The following NFX1 variants were observed in gnomAD, a reference collection of about 807,000 sequenced individuals.
The protein encoded by NFX1 is nuclear transcription factor, X-box binding 1.
NFX1 carries 69 observed loss-of-function variants against 137.2 expected under a neutral mutation model. The ratio of observed to expected loss-of-function variants is 0.50; its 90% confidence interval spans 0.41 to 0.61. The LOEUF is 0.61. Among genes scored for constraint, NFX1 ranks in the 20% least tolerant of loss-of-function variants. NFX1 has a pLI of 0.00. For synonymous variants in NFX1, 495 were observed against 474.1 expected, an observed-to-expected ratio of 1.04 and a Z score of -0.57; for missense variants, 1,167 against 1,391.0, an observed-to-expected ratio of 0.84 and a Z score of 2.56.
intron 21 of NFX1, 154 bp downstream of exon 21, chr9:33,364,928 A>G (rs1824127082): frequency 1.4e-6 from 2 of 1,454,464 alleles, no homozygotes; most frequent in Non-Finnish European, 1.8e-6. Context: ...AAACACAGCC[A>G]TTATAACATC....
At chr9:33,318,697 A>G in intron 7 of NFX1, 34 bp from the exon 8 acceptor site, 1 of 1,566,932 alleles carries the variant, frequency 6.4e-7, no homozygotes, top group Non-Finnish European at 8.8e-7. Context: ...CATACATGTT[A>G]CTAACGTTTT....
chr9:33,362,435 A>T lies in NFX1; in HGVS notation c.2874-1575A>T, dbSNP rs956878590. Among the ~76,000 whole-genome samples, 3 of 152,118 alleles carry T rather than the reference A, an allele frequency of 2.0e-5. No individual in the cohort carries two copies. The East Asian group carries it at 5.8e-4, about 29-fold the overall frequency. ...CAGAATGAAATACTATTCGGCCATA[A>T]AAAAAATGAAACCCTGTCATTTGCA... On this transcript the variant is annotated intron_variant, in intron 19 of 23. Transcript: ENST00000379540.
chr9:33,314,968 G>GA (rs1480360721), intron 7 of NFX1, among the ~76,000 whole-genome samples: 1 of 152,356 alleles, frequency 6.6e-6, no homozygotes, highest in East Asian at 1.9e-4. Flanking sequence ...TACATGAATA[G>GA]AAAAAAATTT....
rs773934509 is a variant in NFX1, at chr9:33,290,519, C to G, written c.-54C>G. 5.1e-5 allele frequency: 82 copies of G among 1,606,180 alleles called. No homozygotes were observed. The highest frequency in any genetic ancestry group is 6.7e-5 in the Non-Finnish European group (79 of 1,173,140). ...GCGCCGGAAGTCCGGGGCACGTGAC[C>G]TGGTGACAGTGCTGACTTGGCTGTA... On this transcript the variant is annotated 5_prime_UTR_variant, in exon 1 of 24. Transcript: ENST00000379540.
intron 11 of NFX1, among the ~76,000 whole-genome samples, chr9:33,337,812 G>A (rs1273626530): frequency 6.6e-6 from 1 of 152,178 alleles, no homozygotes; most frequent in African/African-American, 2.4e-5. Context: ...ACTTTGGGAG[G>A]TCAAAGCAGG....
intron 18 of NFX1, among the ~76,000 whole-genome samples, 191 bp from the exon 19 acceptor site, chr9:33,354,660 G>A (rs149290040): frequency 5.9e-5 from 9 of 152,296 alleles, no homozygotes; most frequent in African/African-American, 2.2e-4. Context: ...TGGGGAAATG[G>A]TATTTCTAGG....
intron 9 of NFX1, among the ~76,000 whole-genome samples, chr9:33,326,864 G>A (rs944024080): frequency 6.6e-6 from 1 of 152,040 alleles, no homozygotes; most frequent in African/African-American, 2.4e-5. Context: ...TGCACAAAAG[G>A]GGAGAAGAAT....
chr9:33,364,127 GC>G lies in NFX1; in HGVS notation c.2972+20del. The G allele has an allele frequency of 6.4e-7, 1 of 1,559,604 alleles. No individual in the cohort carries two copies. The highest frequency in any genetic ancestry group is 8.7e-7 in the Non-Finnish European group (1 of 1,143,582). ...ATGCCAGGTATGTAACTTGTTACCT[GC>G]TTTCTTAATTGTGGCTTGTCAGGGT... On this transcript the variant is annotated intron_variant, in intron 20 of 23. Coordinates refer to ENST00000379540, the MANE Select transcript of NFX1 (RefSeq NM_002504.6).
intron 16 of NFX1, chr9:33,352,344 T>C (rs1823666361): frequency 7.9e-6 from 4 of 504,554 alleles, no homozygotes; most frequent in Non-Finnish European, 1.5e-5. Flanking sequence ...TAGGCCACAG[T>C]TGGGCCTAGG....
At chr9:33,349,069 C>CTATAAATATGGTATTTATT (rs1823539983) in intron 15 of NFX1, among the ~76,000 whole-genome samples, 1 of 152,194 alleles carries the variant, frequency 6.6e-6, no homozygotes, top group Non-Finnish European at 1.5e-5. Context: ...ATATGTCTCA[C>CTATAAATATGGTATTTATT]CTTTTCCAGT....
intron 11 of NFX1, among the ~76,000 whole-genome samples, chr9:33,336,025 A>G (rs1325209674): frequency 6.6e-6 from 1 of 151,910 alleles, no homozygotes; most frequent in Non-Finnish European, 1.5e-5. Flanking sequence ...TCCAATACCT[A>G]TTTTCATTTC....
chr9:33,364,684 T>C (rs367957234), intron 20 of NFX1, 24 bp from the exon 21 acceptor site: 33 of 1,608,326 alleles, frequency 2.1e-5, no homozygotes, highest in Non-Finnish European at 2.6e-5. Context: ...ACAGACAAAA[T>C]TAACTGGTGA....
intron 23 of NFX1, among the ~76,000 whole-genome samples, chr9:33,368,908 G>T (rs1333822623): frequency 6.6e-6 from 1 of 152,150 alleles, no homozygotes; most frequent in Non-Finnish European, 1.5e-5. Flanking sequence ...CTGGGAGCCA[G>T]GTGTCCTAGG....
Position 33,351,758 on chromosome 9 carries a change from T to C in NFX1, c.2623T>C (p.Ser875Pro), listed in dbSNP as rs1249722770. The change falls in exon 16 of 24, where the codon TCA (serine) becomes CCA (proline). Residue 875 changes from serine to proline, a missense_variant. Ser to Pro is a moderately conservative substitution (Grantham distance 74). Transcript: ENST00000379540. ...HPCMAPCHTS[S>P]PCPVTACKAK... Reference sequence around the variant, plus strand: ...GTGTATGGCACCCTGCCATACCAGCTCACCCTGCCCTGTGACTGCTTGTAA... The same window carrying C: ...GTGTATGGCACCCTGCCATACCAGCCCACCCTGCCCTGTGACTGCTTGTAA... The C allele has an allele frequency of 6.2e-7, 1 of 1,604,552 alleles. No homozygotes were observed.
At chr9:33,335,720 C>A (rs1331076229) in intron 11 of NFX1, among the ~76,000 whole-genome samples, 1 of 152,102 alleles carries the variant, frequency 6.6e-6, no homozygotes, top group Non-Finnish European at 1.5e-5. Flanking sequence ...TCAGTCCTCC[C>A]CCAGGTAACC....
In NFX1 at chr9:33,313,427, T is replaced by TA. The variant is rs1037983606; in HGVS notation, c.1449-216dup. 7.6e-3 allele frequency among the ~76,000 whole-genome samples: 1,072 copies of TA among 141,216 alleles called. 10 individuals carry two copies. The highest frequency in any genetic ancestry group is 0.028 in the East Asian group (136 of 4,936). 92.6% of individuals were successfully genotyped at this position (141,216 alleles called of 152,430 possible). A position where few individuals can be genotyped will look rare whatever the true frequency, so the allele number is the denominator to read the frequency against. Reference sequence around the variant, plus strand: ...AATATAGTGAGACCCTGTCTCTATTTAAAAAAAAAAACAAAAACAAAAACA... The same window carrying TA: ...AATATAGTGAGACCCTGTCTCTATTTAAAAAAAAAAAACAAAAACAAAAACA... On this transcript the variant is annotated intron_variant, in intron 6 of 23. Transcript: ENST00000379540.
In NFX1 at chr9:33,307,206, A is replaced by C. The variant is rs776733316; in HGVS notation, c.1283A>C (p.Asn428Thr). 1 of 1,614,186 alleles carries C rather than the reference A, an allele frequency of 6.2e-7. No homozygotes were observed. Among genetic ancestry groups the C allele is most frequent in the Admixed American group, 1.7e-5 (1 of 60,030 alleles). Reference sequence around the variant, plus strand: ...TGATATGTTCTAGGCAAGGTAAAGAATCCTGAGTGGAGCAGAAATGAAATT... The same window carrying C: ...TGATATGTTCTAGGCAAGGTAAAGACTCCTGAGTGGAGCAGAAATGAAATT... ...TYTCFCGKVK[N>T]PEWSRNEIPH... The change falls in exon 5 of 24, where the codon AAT (asparagine) becomes ACT (threonine). Residue 428 changes from asparagine to threonine, a missense_variant. Around this residue, in one of 3 missense-constraint regions of NFX1, gnomAD observed 488 missense variants for 691.5 expected, o/e 0.71. Coordinates refer to ENST00000379540, the MANE Select transcript of NFX1 (RefSeq NM_002504.6).
At chr9:33,322,390 A>T (rs1270787660) in intron 9 of NFX1, among the ~76,000 whole-genome samples, 3 of 152,054 alleles carry the variant, frequency 2.0e-5, no homozygotes, top group Non-Finnish European at 4.4e-5. Context: ...AAGTGTGGAC[A>T]AGAAGATGGG....
intron 19 of NFX1, among the ~76,000 whole-genome samples, chr9:33,357,004 A>AT (rs1823831516): frequency 6.6e-6 from 1 of 151,670 alleles, no homozygotes; most frequent in Non-Finnish European, 1.5e-5. Context: ...AAAAAAAAAA[A>AT]AAAAATAAGC....
Sources: allele counts gnomAD v4.1 joint callset (sites outside exome capture counted in the v4.1 genomes callset), GRCh38; gene constraint gnomAD v4.1.1; regional missense constraint gnomAD v4.1.1; transcripts MANE v1.5; gene names NCBI Gene and HGNC (gene_info 2026-07-23, HGNC 2026-07-21).